Variants in GNAS observed in about 807,000 individuals in gnomAD.
GNAS encodes the protein GNAS complex locus, also known as protein ALEX.
Under a neutral mutation model 54.5 loss-of-function variants are expected in GNAS, and 8 were observed. The ratio of observed to expected loss-of-function variants is 0.15; its 90% CI spans 0.09 to 0.26. The LOEUF (loss-of-function observed/expected upper bound fraction) is 0.26, where lower values mean the gene tolerates loss of function less well. Among genes scored for constraint, GNAS ranks in the 10% least tolerant of loss-of-function variants. The probability of loss-of-function intolerance (pLI) is 1.00; values close to 1 mark genes in which losing one functional copy is unlikely to be tolerated. For missense variants in GNAS, 170 were observed against 529.8 expected, an observed-to-expected ratio of 0.32 and a Z score of 6.67; for synonymous variants, 204 against 191.4, an observed-to-expected ratio of 1.07 and a Z score of -0.54.
chr20:58,894,416 T>C (rs1187662288), intron 1 of GNAS, among the ~76,000 whole-genome samples: 1 of 152,230 alleles, frequency 6.6e-6, no homozygotes, highest in African/African-American at 2.4e-5. Flanking sequence ...ATTTTAACTT[T>C]TACAGATATT....
chr20:58,851,057 G>T (rs1184658059), intron 1 of GNAS, among the ~76,000 whole-genome samples: 2 of 152,256 alleles, frequency 1.3e-5, no homozygotes, highest in Admixed American at 6.5e-5. Flanking sequence ...CCATTCAGTG[G>T]ATGCTCAAGT....
At chr20:58,855,344 G>A (rs1366188950) in intron 1 of GNAS, 7 of 1,559,308 alleles carry the variant, frequency 4.5e-6, no homozygotes, top group Non-Finnish European at 6.1e-6. Flanking sequence ...GTAATGCGGC[G>A]GACTCTGCCT....
chr20:58,842,510 A>C (rs927833567), intron 1 of GNAS: 1 of 398,556 alleles, frequency 2.5e-6, no homozygotes, highest in African/African-American at 2.1e-5. Context: ...GCCGGGCTGC[A>C]GCGCAGACTG....
chr20:58,867,304 G>A (rs1436109620), intron 1 of GNAS, among the ~76,000 whole-genome samples: 1 of 152,220 alleles, frequency 6.6e-6, no homozygotes, highest in Non-Finnish European at 1.5e-5. Flanking sequence ...CTAAAAGGAA[G>A]CACATTAGAT....
intron 1 of GNAS, among the ~76,000 whole-genome samples, chr20:58,879,186 T>C (rs935272887): frequency 6.6e-6 from 1 of 152,222 alleles, no homozygotes; most frequent in African/African-American, 2.4e-5. Context: ...TGAGATTAGA[T>C]AGCTTCTTAA....
intron 1 of GNAS, chr20:58,892,142 T>G (rs2089467576): frequency 1.0e-6 from 1 of 962,672 alleles, no homozygotes; most frequent in South Asian, 4.8e-5. Context: ...TTGCTCTCGC[T>G]CTCGCTCTCC....
In GNAS at chr20:58,853,382, C is replaced by T. The variant is rs1385751275; in HGVS notation, c.43+12496C>T. The T allele has an allele frequency of 5.1e-6, 8 of 1,558,932 alleles. No homozygotes were observed. Among genetic ancestry groups the T allele is most frequent in the African/African-American group, 2.7e-5 (2 of 73,242 alleles). On this transcript the variant is annotated intron_variant, in intron 1 of 12. Transcript: ENST00000306090. The surrounding 1 kb of genome is among the most constrained non-coding windows in gnomAD (Gnocchi z 4.4). The stretch of plus-strand genomic sequence containing the variant: ...TGGAGGCCCCAGGGGCAGCTGCCCC[C>T]GGTGCTGGGCCTAGCCCAGCCGAAG...
upstream of GNAS, among the ~76,000 whole-genome samples, chr20:58,887,331 AAG>A (rs2088659131): frequency 6.6e-6 from 1 of 152,226 alleles, no homozygotes; most frequent in Non-Finnish European, 1.5e-5. Flanking sequence ...TCCCTCTTAC[AAG>A]TCTTTAACAA....
intron 5 of GNAS, 73 bp from the exon 6 acceptor site, chr20:58,905,310 G>A: frequency 3.4e-6 from 3 of 884,696 alleles, no homozygotes; most frequent in Non-Finnish European, 5.8e-6. Context: ...TCTGGTCTCA[G>A]GGTTTGAATG....
chr20:58,898,396 A>G (rs563744926), intron 2 of GNAS: 100 of 155,398 alleles, frequency 6.4e-4, no homozygotes, highest in African/African-American at 2.1e-3. Flanking sequence ...TTTAATGACA[A>G]TTTATGGGGA....
At chr20:58,851,973 C>G (rs2086193880) in intron 1 of GNAS, among the ~76,000 whole-genome samples, 1 of 152,178 alleles carries the variant, frequency 6.6e-6, no homozygotes, top group Admixed American at 6.5e-5. Flanking sequence ...GTTGTCCAGT[C>G]TCGAAACCAC....
At position 58,841,639 on chromosome 20, in the gene GNAS, CCGG is replaced by C; in HGVS notation, c.43+760_43+762del. ...CCGCGCGCGCCGGAGCTGACCTCTC[CCGG>C]CGGCGGGCGGTTAGGGGAAAGTACC... is the stretch of plus-strand genomic sequence containing the variant. On this transcript the variant is annotated intron_variant, in intron 1 of 12. Coordinates refer to the GNAS transcript ENST00000306090. The surrounding 1 kb of genome is among the most constrained non-coding windows in gnomAD (Gnocchi z 5.0). 6.4e-6 allele frequency: 7 copies of C among 1,094,052 alleles called. No individual in the cohort carries two copies. Among genetic ancestry groups the C allele is most frequent in the Non-Finnish European group, 7.8e-6 (7 of 900,332 alleles). The allele number at this position is 1,094,052 out of a possible 1,614,324, so 67.8% of individuals were successfully genotyped here.
Position 58,873,881 on chromosome 20 carries a change from A to G in GNAS, c.44-21731A>G, listed in dbSNP as rs1055944499. Among the ~76,000 whole-genome samples the G allele has an allele frequency of 6.6e-6, 1 of 152,238 alleles. No homozygotes were observed. The highest frequency in any genetic ancestry group is 2.4e-5 in the African/African-American group (1 of 41,456). Reference sequence around the variant, plus strand: ...ACAGGGAATAAATAAGGAAAGATGGAAAGATTGTCAACCAAAAGACTTCAA... The same window carrying G: ...ACAGGGAATAAATAAGGAAAGATGGGAAGATTGTCAACCAAAAGACTTCAA... On this transcript the variant is annotated intron_variant, in intron 1 of 12. Transcript: ENST00000306090. The surrounding 1 kb of genome is among the most constrained non-coding windows in gnomAD (Gnocchi z 4.3).
chr20:58,851,030 G>A (rs992830690), intron 1 of GNAS: 1 of 397,944 alleles, frequency 2.5e-6, no homozygotes. Flanking sequence ...GTGAGTTGGT[G>A]TTGGGACCCA....
In GNAS at chr20:58,854,854, C is replaced by G. The variant is rs888554090; in HGVS notation, c.43+13968C>G. On this transcript the variant is annotated intron_variant, in intron 1 of 12. Coordinates refer to the GNAS transcript ENST00000306090. Reference sequence around the variant, plus strand: ...GCCAGACGCAAGATCCATCTCAGACCCCCCAGCCCCGAGATCCAGGCTGCC... The same window carrying G: ...GCCAGACGCAAGATCCATCTCAGACGCCCCAGCCCCGAGATCCAGGCTGCC... 44 of 1,596,872 alleles carry G rather than the reference C, an allele frequency of 2.8e-5. No homozygotes were observed. Among genetic ancestry groups the G allele is most frequent in the Non-Finnish European group, 3.4e-5 (40 of 1,176,196 alleles).
intron 3 of GNAS, among the ~76,000 whole-genome samples, chr20:58,902,559 T>C (rs948651224): frequency 6.6e-6 from 1 of 151,760 alleles, no homozygotes; most frequent in Non-Finnish European, 1.5e-5. Flanking sequence ...ACCTTCAACC[T>C]CTACTTACCA....
intron 1 of GNAS, chr20:58,892,154 C>G (rs972206999): frequency 2.1e-6 from 2 of 964,242 alleles, no homozygotes; most frequent in Non-Finnish European, 1.2e-6. Context: ...TCGCTCTCCC[C>G]CTCTTTCTCT....
chr20:58,903,038 C>T (rs2090770467), intron 3 of GNAS: 2 of 249,878 alleles, frequency 8.0e-6, no homozygotes, highest in South Asian at 9.7e-5. Context: ...ACCCGGGCTC[C>T]TGTAATGAAC....
intron 1 of GNAS, chr20:58,855,748 G>A: frequency 4.8e-6 from 3 of 620,410 alleles, no homozygotes; most frequent in Non-Finnish European, 8.8e-6. Context: ...GGCGCGCCCC[G>A]CCTCGCCTGG....
Sources: allele counts gnomAD v4.1 joint callset (sites outside exome capture counted in the v4.1 genomes callset), GRCh38; gene constraint gnomAD v4.1.1; non-coding constraint Gnocchi (gnomAD v3.1); transcripts MANE v1.5; gene names NCBI Gene and HGNC (gene_info 2026-07-23, HGNC 2026-07-21).